Variants in MPP7 observed in about 807,000 individuals in gnomAD.
The protein encoded by MPP7 is MAGUK p55 subfamily member 7.
In MPP7, 60 loss-of-function variants were observed where a neutral mutation model predicts 76.5. The observed-to-expected ratio is 0.78, with a 90% CI of 0.64 to 0.97. The LOEUF is 0.97. Ranked by LOEUF, MPP7 falls within the 50% of genes least tolerant of loss-of-function variation. The pLI is 0.00. For synonymous variants in MPP7, 237 were observed against 244.5 expected, an observed-to-expected ratio of 0.97 and a Z score of 0.29; for missense variants, 641 against 694.0, an observed-to-expected ratio of 0.92 and a Z score of 0.86.
chr10:28,188,140 C>T lies in MPP7; in HGVS notation c.156+14013G>A, dbSNP rs564974979. ...ATTCATGAGCATTAATTTCACTTTA[C>T]GAATTCATATTAATATGGAGATTCA... On this transcript the variant is annotated intron_variant, in intron 3 of 16. Transcript: ENST00000683449. 9.2e-5 allele frequency among the ~76,000 whole-genome samples: 14 copies of T among 152,192 alleles called. No homozygotes were observed. In the South Asian group the frequency reaches 1.0e-3, roughly 11 times the overall value.
intron 1 of MPP7, among the ~76,000 whole-genome samples, chr10:28,269,971 C>T (rs1840268926): frequency 6.6e-6 from 1 of 152,102 alleles, no homozygotes; most frequent in Admixed American, 6.5e-5. Flanking sequence ...GGAGTCTAGA[C>T]CTGGTTTTAC....
chr10:28,063,186 C>T (rs1330975193), intron 13 of MPP7, among the ~76,000 whole-genome samples: 5 of 152,104 alleles, frequency 3.3e-5, no homozygotes, highest in Non-Finnish European at 7.4e-5. Flanking sequence ...ATGGGCCAGG[C>T]ACAGTGCCTC....
At chr10:28,127,191 T>A (rs1835043960) in intron 6 of MPP7, among the ~76,000 whole-genome samples, 1 of 152,222 alleles carries the variant, frequency 6.6e-6, no homozygotes, top group Admixed American at 6.5e-5. Context: ...TTTGTTATAC[T>A]TAATGCTAGT....
At chr10:28,075,693 G>C (rs1380238823) in intron 12 of MPP7, among the ~76,000 whole-genome samples, 1 of 152,080 alleles carries the variant, frequency 6.6e-6, no homozygotes, top group Non-Finnish European at 1.5e-5. Context: ...CTCGCTTGTT[G>C]TTTAAGATTC....
chr10:28,188,218 T>TA (rs1482676172), intron 3 of MPP7, among the ~76,000 whole-genome samples: 1 of 152,214 alleles, frequency 6.6e-6, no homozygotes, highest in Admixed American at 6.5e-5. Context: ...CCTAGGTGAC[T>TA]AATATGCCCG....
At chr10:28,072,722 G>A (rs925931107) in intron 12 of MPP7, among the ~76,000 whole-genome samples, 4 of 152,146 alleles carry the variant, frequency 2.6e-5, no homozygotes, top group African/African-American at 9.7e-5. Flanking sequence ...GACATGGCAC[G>A]CCTGGCCTTT....
intron 12 of MPP7, among the ~76,000 whole-genome samples, chr10:28,075,806 A>T (rs1459577592): frequency 1.3e-5 from 2 of 152,166 alleles, no homozygotes; most frequent in African/African-American, 4.8e-5. Flanking sequence ...GAATTATCAC[A>T]CTGCATTGTA....
At chr10:28,234,870 G>T (rs1694288713) in intron 2 of MPP7, among the ~76,000 whole-genome samples, 1 of 152,200 alleles carries the variant, frequency 6.6e-6, no homozygotes, top group African/African-American at 2.4e-5. Flanking sequence ...AAGTGCAGTG[G>T]TGTGATCACT....
chr10:28,307,218 C>G (rs1047327262), upstream of MPP7, among the ~76,000 whole-genome samples: 8 of 152,146 alleles, frequency 5.3e-5, no homozygotes, highest in South Asian at 6.2e-4. Flanking sequence ...AACTGGAGAC[C>G]TAGAGGCCAA....
chr10:28,303,702 A>G (rs1430119262), upstream of MPP7, among the ~76,000 whole-genome samples: 1 of 152,262 alleles, frequency 6.6e-6, no homozygotes, highest in Non-Finnish European at 1.5e-5. Context: ...GGGTGCGGAG[A>G]ATGGTAAAGA....
intron 3 of MPP7, among the ~76,000 whole-genome samples, chr10:28,163,057 G>A (rs771651920): frequency 3.9e-5 from 6 of 152,156 alleles, no homozygotes; most frequent in Admixed American, 1.3e-4. Context: ...GTCATGTAAG[G>A]TGACACAGTC....
At chr10:28,084,727 G>A (rs562421253) in intron 12 of MPP7, among the ~76,000 whole-genome samples, 2 of 152,326 alleles carry the variant, frequency 1.3e-5, no homozygotes, top group South Asian at 4.1e-4. Flanking sequence ...GTGGTAAGTG[G>A]AAGACTTATC....
rs1489767061 is a variant in MPP7, at chr10:28,052,319, C to A, written c.*1746G>T. The A allele has an allele frequency of 6.6e-6, 1 of 152,132 alleles. No homozygotes were observed. The highest frequency in any genetic ancestry group is 1.9e-4 in the East Asian group (1 of 5,200). The allele number at this position is 152,132 out of a possible 1,614,324, so 9.4% of individuals were successfully genotyped here. A position where few individuals can be genotyped will look rare whatever the true frequency, so the allele number is the denominator to read the frequency against. ...TAAGACTTCAGGTTGGCAACCCTCC[C>A]TCTTTCATTTTTTAAAAACAAAATT... On this transcript the variant is annotated 3_prime_UTR_variant, in exon 17 of 17. Coordinates refer to ENST00000683449, the MANE Select transcript of MPP7 (RefSeq NM_001318170.2).
intron 4 of MPP7, among the ~76,000 whole-genome samples, chr10:28,147,898 T>TA (rs1835761580): frequency 6.6e-6 from 1 of 152,132 alleles, no homozygotes; most frequent in African/African-American, 2.4e-5. Context: ...AAGAACTGGA[T>TA]AAAGCTTTGA....
chr10:28,190,961 A>G (rs929283494), intron 3 of MPP7, among the ~76,000 whole-genome samples: 12 of 152,304 alleles, frequency 7.9e-5, no homozygotes, highest in African/African-American at 2.6e-4. Flanking sequence ...AACAGTACTG[A>G]TGCCAAGGAC....
At chr10:28,273,288 T>A (rs1840386403) in intron 1 of MPP7, among the ~76,000 whole-genome samples, 1 of 152,228 alleles carries the variant, frequency 6.6e-6, no homozygotes, top group Non-Finnish European at 1.5e-5. Context: ...TGGAATCATC[T>A]AAAAGAGACT....
chr10:28,245,010 T>A (rs1454994861), intron 1 of MPP7, among the ~76,000 whole-genome samples: 1 of 152,168 alleles, frequency 6.6e-6, no homozygotes, highest in Admixed American at 6.5e-5. Flanking sequence ...TGTTGGCACA[T>A]CCTCCACACT....
upstream of MPP7, among the ~76,000 whole-genome samples, chr10:28,303,828 A>G (rs1841222522): frequency 6.6e-6 from 1 of 152,232 alleles, no homozygotes; most frequent in Non-Finnish European, 1.5e-5. Flanking sequence ...AGCGCCCTTC[A>G]GCTCTCTTAA....
intron 1 of MPP7, among the ~76,000 whole-genome samples, chr10:28,333,572 G>A (rs1834489200): frequency 6.6e-6 from 1 of 152,112 alleles, no homozygotes; most frequent in East Asian, 1.9e-4. Flanking sequence ...GTTCCGTTAT[G>A]CAACGTTGTA....
Sources: gnomAD v4.1 joint callset for allele counts (sites outside exome capture counted in the v4.1 genomes callset) on GRCh38, gnomAD v4.1.1 for gene constraint, MANE v1.5 for transcripts, NCBI Gene and HGNC (gene_info 2026-07-23, HGNC 2026-07-21) for gene names.